The following PPP1R16A variants were observed in gnomAD, a reference collection of about 807,000 sequenced individuals.
PPP1R16A encodes the protein protein phosphatase 1 regulatory subunit 16A, also known as myosin phosphatase-targeting subunit 3.
A neutral mutation model predicts 46.6 loss-of-function variants in PPP1R16A; 39 were observed. The observed-to-expected ratio is 0.84, with a 90% CI of 0.65 to 1.09. The LOEUF (loss-of-function observed/expected upper bound fraction) is 1.09, where lower values mean the gene tolerates loss of function less well. Ranked by LOEUF, PPP1R16A falls within the 50% of genes least tolerant of loss-of-function variation. The pLI, the probability that PPP1R16A is intolerant of heterozygous loss-of-function variation, is 0.00. For missense variants in PPP1R16A, 798 were observed against 735.6 expected (o/e 1.08, Z -0.98); for synonymous variants, 413 against 321.5 (o/e 1.28, Z -3.04).
At chr8:144,496,011 GCGGGGCCTAC>G (rs1452159095) in intron 2 of PPP1R16A, 1 of 152,704 alleles carries the variant, frequency 6.5e-6, no homozygotes, top group Admixed American at 6.5e-5. Flanking sequence ...ACAGGAGGAG[GCGGGGCCTAC>G]CCTTGGAAGG....
At chr8:144,482,175 C>T (rs1247085866) in intron 1 of PPP1R16A, among the ~76,000 whole-genome samples, 1 of 152,022 alleles carries the variant, frequency 6.6e-6, no homozygotes, top group Non-Finnish European at 1.5e-5. Flanking sequence ...CGGGTTCAAG[C>T]GATTCTTCTG....
Position 144,501,703 on chromosome 8 carries a change from C to T in PPP1R16A, c.1387C>T (p.Arg463Ter). The T allele has an allele frequency of 2.5e-6, 4 of 1,600,944 alleles. No individual in the cohort carries two copies. The highest frequency in any genetic ancestry group is 4.6e-5 in the East Asian group (2 of 43,716). The change falls in exon 12 of 12, where the codon CGA (arginine) becomes TGA (stop). Residue 463 changes from arginine (R) to a stop codon, truncating the protein, a stop_gained. Coordinates refer to ENST00000435887, the MANE Select transcript of PPP1R16A (RefSeq NM_001329443.2). LOFTEE classifies it low-confidence loss of function (END_TRUNC). ...HHTLADLKRQ[R>*]AAAKLQRPPP... is the part of the protein sequence containing the mutation. ...CACCCTGGCTGACCTGAAGCGCCAG[C>T]GAGCTGCTGCCAAGCTGCAGCGACC...
rs1825919673 is a variant in PPP1R16A at position 144,493,866 on chromosome 8, G to A, written c.-734-2595G>A. 1.3e-5 allele frequency among the ~76,000 whole-genome samples: 2 copies of A among 152,040 alleles called. No individual in the cohort carries two copies. Among genetic ancestry groups the A allele is most frequent in the South Asian group, 4.1e-4 (2 of 4,826 alleles). ...TGGGCCTGCTAGGGTGGGGCCAAGT[G>A]CCCTGTGAGCCGTGCTGGGTGGGGT... On this transcript the variant is annotated intron_variant, in intron 2 of 11. Transcript: ENST00000435887. This position sits in a 1 kb window ranked among gnomAD's most constrained non-coding sequence, Gnocchi z 4.3.
chr8:144,501,367 A>G (rs1020341887), intron 11 of PPP1R16A, 73 bp downstream of exon 11: 2 of 1,503,074 alleles, frequency 1.3e-6, no homozygotes, highest in Non-Finnish European at 1.8e-6. Context: ...CTCCGCTTGG[A>G]CCCCCTCCTG....
rs780660846 is a variant in PPP1R16A, at chr8:144,497,342, C to G, written c.148C>G (p.Pro50Ala). ...GAAGGAGGCCCAGGGCAAGAAGGGT[C>G]CTGGGGAGCGTCCCCGGAAGGAGGC... is the stretch of plus-strand genomic sequence containing the variant. The part of the protein sequence containing the change: ...AEKEAQGKKG[P>A]GERPRKEAAS... The change falls in exon 3 of 12, where the codon CCT (proline) becomes GCT (alanine). Residue 50 changes from proline (P) to alanine (A), a missense_variant. Pro to Ala is a conservative substitution (Grantham distance 27). Coordinates refer to ENST00000435887, the MANE Select transcript of PPP1R16A (RefSeq NM_001329443.2). 18 of 1,612,526 alleles carry G rather than the reference C, an allele frequency of 1.1e-5. 1 individual carries two copies. In the Middle Eastern group the frequency reaches 1.3e-3, roughly 118 times the overall value.
At chr8:144,484,136 C>G (rs1421969877) in intron 1 of PPP1R16A, among the ~76,000 whole-genome samples, 1 of 152,266 alleles carries the variant, frequency 6.6e-6, no homozygotes, top group Non-Finnish European at 1.5e-5. Context: ...CTTCCACACT[C>G]CCAGGCCCTG....
rs1586731659 is a variant in PPP1R16A, at chr8:144,478,080, G to A, written c.-961G>A. ...CAGGGAGCGCGGGGCCCACTGACCC[G>A]CGGAAGCCAGCGGACCCACTTGTGC... On this transcript the variant is annotated 5_prime_UTR_variant, in exon 1 of 12. Coordinates refer to ENST00000435887, the MANE Select transcript of PPP1R16A (RefSeq NM_001329443.2). 5 of 395,714 alleles carry A rather than the reference G, an allele frequency of 1.3e-5. No individual in the cohort carries two copies. Among genetic ancestry groups the A allele is most frequent in the East Asian group, 1.1e-4 (3 of 27,924 alleles). 24.5% of individuals were successfully genotyped at this position (395,714 alleles called of 1,614,324 possible). A position where few individuals can be genotyped will look rare whatever the true frequency, so the allele number is the denominator to read the frequency against.
In PPP1R16A at chr8:144,501,516, G is replaced by C. The variant is rs200550202; in HGVS notation, c.1204-4G>C. Reference sequence around the variant, plus strand: ...GATGGCTCTGGGACCTTCACTGCCCGCAGGAGGACAACCCCGAAGTGGTCA... The same window carrying C: ...GATGGCTCTGGGACCTTCACTGCCCCCAGGAGGACAACCCCGAAGTGGTCA... On this transcript the variant is annotated splice_polypyrimidine_tract_variant and splice_region_variant and intron_variant, in intron 11 of 11. Coordinates refer to ENST00000435887, the MANE Select transcript of PPP1R16A (RefSeq NM_001329443.2). The C allele has an allele frequency of 1.3e-6, 2 of 1,540,494 alleles. No individual in the cohort carries two copies. The highest frequency in any genetic ancestry group is 1.2e-5 in the South Asian group (1 of 80,966).
chr8:144,501,697 C>T lies in PPP1R16A; in HGVS notation c.1381C>T (p.Arg461Cys), dbSNP rs202199621. 351 of 1,603,156 alleles carry T rather than the reference C, an allele frequency of 2.2e-4. No homozygotes were observed. The highest frequency in any genetic ancestry group is 3.1e-4 in the Admixed American group (18 of 59,008). Residue 461 changes from arginine to cysteine, a missense_variant, in exon 12 of 12, where the codon CGC (arginine) becomes TGC (cysteine). Coordinates refer to ENST00000435887, the MANE Select transcript of PPP1R16A (RefSeq NM_001329443.2). Reference protein sequence around the residue: ...KAHHTLADLKRQRAAAKLQRP... With the variant: ...KAHHTLADLKCQRAAAKLQRP... ...CCACCACACCCTGGCTGACCTGAAG[C>T]GCCAGCGAGCTGCTGCCAAGCTGCA... is the stretch of plus-strand genomic sequence containing the variant.
At chr8:144,486,258 G>T (rs112380315) in intron 1 of PPP1R16A, among the ~76,000 whole-genome samples, 79 of 152,202 alleles carry the variant, frequency 5.2e-4, no homozygotes, top group African/African-American at 1.7e-3. Context: ...TACAGATGGG[G>T]TTTTGCCATG....
rs867760405 is a variant in PPP1R16A, at chr8:144,500,108, C to T, written c.489C>T (p.Leu163=). 6.2e-7 allele frequency: 1 copy of T among 1,610,094 alleles called. No individual in the cohort carries two copies. The highest frequency in any genetic ancestry group is 1.7e-5 in the Admixed American group (1 of 59,746). The change falls in exon 6 of 12, where the codon CTC becomes CTT. Residue 163 remains leucine (L), a synonymous_variant. Coordinates refer to ENST00000435887, the MANE Select transcript of PPP1R16A (RefSeq NM_001329443.2). ...GTCTTCCCTGCAGTGGCGCCAATCTCCTGGCGGTCAACACCGACGGGAACA... is the reference window on the plus strand; with the variant it reads ...GTCTTCCCTGCAGTGGCGCCAATCTTCTGGCGGTCAACACCGACGGGAACA... The part of the protein sequence containing the change: ...VELLIASGAN[L]LAVNTDGNMP...
chr8:144,478,019 C>G lies in PPP1R16A; in HGVS notation c.-1022C>G. 2.5e-6 allele frequency: 1 copy of G among 393,864 alleles called. No individual in the cohort carries two copies. The highest frequency in any genetic ancestry group is 4.5e-6 in the Non-Finnish European group (1 of 222,890). 24.4% of individuals were successfully genotyped at this position (393,864 alleles called of 1,614,324 possible). On this transcript the variant is annotated 5_prime_UTR_variant, in exon 1 of 12. Transcript: ENST00000435887. Reference sequence around the variant, plus strand: ...GGCCGGAAGTGTAGCGTTGCCATGGCGAGGGCCGGGTGCGGGGCCCGCCCC... The same window carrying G: ...GGCCGGAAGTGTAGCGTTGCCATGGGGAGGGCCGGGTGCGGGGCCCGCCCC...
Position 144,500,283 on chromosome 8 carries a change from C to A in PPP1R16A, c.597C>A (p.Ser199Arg), listed in dbSNP as rs867618735. Residue 199 changes from serine (S) to arginine (R), a missense_variant, in exon 7 of 12, where the codon AGC becomes AGA. Transcript: ENST00000435887. ...AMADRGITQD[S>R]IEAARAVPEL... is the part of the protein sequence containing the mutation. ...GCCTCGCAGGCATCACCCAGGACAG[C>A]ATCGAGGCCGCCCGGGCCGTGCCAG... 3.9e-6 allele frequency: 6 copies of A among 1,551,148 alleles called. No homozygotes were observed. In the African/African-American group the frequency reaches 8.2e-5, roughly 21 times the overall value.
chr8:144,499,400 GGGA>G (rs1174887522), intron 5 of PPP1R16A: 1 of 333,234 alleles, frequency 3.0e-6, no homozygotes, highest in African/African-American at 2.1e-5. Context: ...CAGGTGGCTT[GGGA>G]GGAGAGGGTA....
chr8:144,478,590 G>C (rs1825270714), intron 1 of PPP1R16A: 2 of 155,394 alleles, frequency 1.3e-5, no homozygotes, highest in African/African-American at 4.8e-5. Flanking sequence ...TTTCAGATGA[G>C]GAAATCGAGG....
intron 1 of PPP1R16A, among the ~76,000 whole-genome samples, chr8:144,484,460 G>A (rs576750756): frequency 7.8e-4 from 119 of 152,338 alleles, no homozygotes; most frequent in African/African-American, 2.8e-3. Context: ...AGCCCTCCCT[G>A]CCCTCTCTTC....
At chr8:144,478,340 A>C (rs1246681452) in intron 1 of PPP1R16A, 1 of 372,374 alleles carries the variant, frequency 2.7e-6, no homozygotes, top group Non-Finnish European at 4.8e-6. Flanking sequence ...CTGGCGACGG[A>C]GGAGGCCGGG....
At chr8:144,487,019 T>C (rs1238288837) in intron 1 of PPP1R16A, among the ~76,000 whole-genome samples, 1 of 152,142 alleles carries the variant, frequency 6.6e-6, no homozygotes, top group Non-Finnish European at 1.5e-5. Context: ...TTTTGATTAT[T>C]TTCTGTCACC....
intron 2 of PPP1R16A, among the ~76,000 whole-genome samples, chr8:144,492,858 TC>T (rs1359026432): frequency 1.3e-5 from 2 of 152,178 alleles, no homozygotes; most frequent in South Asian, 2.1e-4. Context: ...CTGTCCCTTG[TC>T]CCTATCTCTG....
Sources: gnomAD v4.1 joint callset for allele counts (sites outside exome capture counted in the v4.1 genomes callset) on GRCh38, gnomAD v4.1.1 for gene constraint, Gnocchi (gnomAD v3.1) non-coding constraint, MANE v1.5 for transcripts, NCBI Gene and HGNC (gene_info 2026-07-23, HGNC 2026-07-21) for gene names.